The following KSR2 variants were observed in gnomAD, a reference collection of about 807,000 sequenced individuals.
KSR2 encodes kinase suppressor of ras 2.
A neutral mutation model predicts 107.8 loss-of-function variants in KSR2; 25 were observed. The ratio of observed to expected loss-of-function variants is 0.23; its 90% confidence interval spans 0.17 to 0.32. KSR2 has a LOEUF of 0.32. Ranked by LOEUF, KSR2 falls within the 10% of genes least tolerant of loss-of-function variation. The pLI is 1.00. For missense variants in KSR2, 887 were observed against 1,268.9 expected (o/e 0.70, Z 4.57); for synonymous variants, 480 against 507.0 (o/e 0.95, Z 0.71).
intron 6 of KSR2, 49 bp downstream of exon 6, chr12:117,582,241 C>T (rs776624460): frequency 6.5e-7 from 1 of 1,544,874 alleles, no homozygotes; most frequent in Admixed American, 1.7e-5. Flanking sequence ...GCCCCCACCC[C>T]TCACAGAGCT....
At chr12:117,569,525 C>T (rs994154167) in intron 7 of KSR2, among the ~76,000 whole-genome samples, 1 of 152,164 alleles carries the variant, frequency 6.6e-6, no homozygotes, top group Non-Finnish European at 1.5e-5. Flanking sequence ...CATGTCTTAC[C>T]TTACTAGGGG....
At chr12:117,635,415 C>T (rs1429074504) in intron 5 of KSR2, among the ~76,000 whole-genome samples, 1 of 152,050 alleles carries the variant, frequency 6.6e-6, no homozygotes, top group Admixed American at 6.6e-5. Flanking sequence ...AACTGTTTTT[C>T]CTCTAACTAG....
chr12:117,903,944 A>G (rs2137403017), intron 1 of KSR2, among the ~76,000 whole-genome samples: 1 of 152,298 alleles, frequency 6.6e-6, no homozygotes, highest in Admixed American at 6.5e-5. Flanking sequence ...GGCTGCAGTG[A>G]GCTATGATCA....
intron 5 of KSR2, among the ~76,000 whole-genome samples, chr12:117,634,019 T>C (rs1882933977): frequency 6.6e-6 from 1 of 152,186 alleles, no homozygotes; most frequent in South Asian, 2.1e-4. Context: ...CCATTTCCTA[T>C]CTGGCAATCA....
At chr12:117,669,223 C>G (rs761043046) in intron 4 of KSR2, among the ~76,000 whole-genome samples, 2 of 152,166 alleles carry the variant, frequency 1.3e-5, no homozygotes, top group East Asian at 3.9e-4. Context: ...CTCACTGAAA[C>G]GGGTAATAGT....
intron 3 of KSR2, among the ~76,000 whole-genome samples, chr12:117,772,599 G>A (rs1471119135): frequency 6.5e-5 from 5 of 76,382 alleles, no homozygotes; most frequent in African/African-American, 1.6e-4. Context: ...CCCCAAAGAC[G>A]CACACACACA....
intron 5 of KSR2, among the ~76,000 whole-genome samples, chr12:117,625,755 T>C (rs1162097270): frequency 6.6e-6 from 1 of 152,208 alleles, no homozygotes; most frequent in African/African-American, 2.4e-5. Context: ...TTTCTATTGA[T>C]TGGAATAGTT....
chr12:117,531,097 G>T, intron 11 of KSR2, 84 bp from the exon 12 acceptor site: 1 of 1,131,334 alleles, frequency 8.8e-7, no homozygotes, highest in Non-Finnish European at 1.3e-6. Context: ...CGACATGGCA[G>T]CCAATTTTTC....
intron 5 of KSR2, among the ~76,000 whole-genome samples, chr12:117,606,637 T>C (rs1189779357): frequency 9.4e-6 from 1 of 106,770 alleles, no homozygotes; most frequent in Non-Finnish European, 1.8e-5. Context: ...TCTTCCCTAC[T>C]TCTTTCCCTT....
chr12:117,716,859 C>T lies in KSR2; in HGVS notation c.986+44152G>A, dbSNP rs555870260. Among the ~76,000 whole-genome samples, 132 of 152,332 alleles carry T rather than the reference C, an allele frequency of 8.7e-4. 1 individual carries two copies. In the Middle Eastern group the frequency reaches 0.01, roughly 12 times the overall value. On this transcript the variant is annotated intron_variant, in intron 4 of 19. Transcript: ENST00000339824. ...AAAGTGCCTGGGAAAAAAATCTATA[C>T]AAATGCAAGCTCTTCTGTAATGAGA...
chr12:117,612,986 C>T (rs1881688114), intron 5 of KSR2, among the ~76,000 whole-genome samples: 1 of 152,208 alleles, frequency 6.6e-6, no homozygotes, highest in South Asian at 2.1e-4. Flanking sequence ...CTTCCCCAGC[C>T]ATGTGGAACT....
intron 4 of KSR2, among the ~76,000 whole-genome samples, chr12:117,675,641 C>T (rs2136514600): frequency 6.6e-6 from 1 of 152,350 alleles, no homozygotes; most frequent in South Asian, 2.1e-4. Context: ...ATTTCCTCTT[C>T]CCAAAGTGTG....
At chr12:117,528,261 G>A (rs968484845) in intron 12 of KSR2, among the ~76,000 whole-genome samples, 14 of 152,144 alleles carry the variant, frequency 9.2e-5, no homozygotes, top group Non-Finnish European at 1.6e-4. Flanking sequence ...TGTGATGGAT[G>A]TTGGGTACAG....
chr12:117,900,394 AG>A (rs1894645899), intron 1 of KSR2, among the ~76,000 whole-genome samples: 2 of 152,238 alleles, frequency 1.3e-5, no homozygotes, highest in African/African-American at 4.8e-5. Context: ...GCTAAAGGAA[AG>A]GTGCTGTGGT....
intron 1 of KSR2, among the ~76,000 whole-genome samples, chr12:117,940,024 G>A (rs1895963471): frequency 6.6e-6 from 1 of 151,770 alleles, no homozygotes; most frequent in African/African-American, 2.4e-5. Flanking sequence ...TTCTTGATCA[G>A]ATGGTAATGA....
At chr12:117,608,395 G>A (rs1423625122) in intron 5 of KSR2, among the ~76,000 whole-genome samples, 1 of 152,190 alleles carries the variant, frequency 6.6e-6, no homozygotes, top group Non-Finnish European at 1.5e-5. Context: ...GTCACCTCCA[G>A]ACTTTGGGTT....
At chr12:117,773,897 T>C (rs959212355) in intron 3 of KSR2, among the ~76,000 whole-genome samples, 1 of 152,206 alleles carries the variant, frequency 6.6e-6, no homozygotes, top group African/African-American at 2.4e-5. Context: ...GATACTATTC[T>C]AAGTATTCAC....
chr12:117,851,920 G>T (rs1003638072), intron 3 of KSR2, among the ~76,000 whole-genome samples: 1 of 151,530 alleles, frequency 6.6e-6, no homozygotes, highest in African/African-American at 2.4e-5. Context: ...GCTATTACTA[G>T]CATCTACTAA....
chr12:117,555,541 T>A (rs1023871367), intron 8 of KSR2, among the ~76,000 whole-genome samples: 5 of 152,244 alleles, frequency 3.3e-5, no homozygotes, highest in Admixed American at 3.3e-4. Context: ...CAGGTTTTTT[T>A]AAAAGTACCA....
Sources: allele counts gnomAD v4.1 joint callset (sites outside exome capture counted in the v4.1 genomes callset), GRCh38; gene constraint gnomAD v4.1.1; transcripts MANE v1.5; gene names NCBI Gene and HGNC (gene_info 2026-07-23, HGNC 2026-07-21).